The following ATF2 variants were observed in gnomAD, a reference collection of about 807,000 sequenced individuals.
ATF2 encodes activating transcription factor 2, also known as cyclic AMP-dependent transcription factor ATF-2.
Under a neutral mutation model 60.6 loss-of-function variants are expected in ATF2, and 24 were observed. The observed-to-expected ratio is 0.40, with a 90% CI of 0.29 to 0.56. The LOEUF is 0.56. Ranked by LOEUF, ATF2 falls within the 20% of genes least tolerant of loss-of-function variation. ATF2 has a pLI of 0.54. For missense variants in ATF2, 433 were observed against 607.7 expected (o/e 0.71, Z 3.02); for synonymous variants, 206 against 215.4 (o/e 0.96, Z 0.38).
chr2:175,126,098 T>A (rs777977223), intron 4 of ATF2, among the ~76,000 whole-genome samples: 28 of 152,200 alleles, frequency 1.8e-4, no homozygotes, highest in Non-Finnish European at 3.1e-4. Flanking sequence ...TTACTGCCCC[T>A]TCATTGAAAG....
At chr2:175,125,795 A>C (rs1461807575) in intron 4 of ATF2, among the ~76,000 whole-genome samples, 2 of 152,268 alleles carry the variant, frequency 1.3e-5, no homozygotes, top group Admixed American at 6.5e-5. Context: ...AACAGAATAC[A>C]AAACTGTGCA....
intron 5 of ATF2, 29 bp from the exon 6 acceptor site, chr2:175,118,398 C>A (rs1262833909): frequency 1.3e-6 from 2 of 1,553,582 alleles, no homozygotes; most frequent in African/African-American, 1.4e-5. Context: ...AGTAATCATG[C>A]ATATTTAAAT....
chr2:175,166,483 T>C (rs1478884672), intron 1 of ATF2, among the ~76,000 whole-genome samples: 1 of 152,212 alleles, frequency 6.6e-6, no homozygotes, highest in Non-Finnish European at 1.5e-5. Context: ...TCTGTATATT[T>C]AAAACGTATT....
intron 7 of ATF2, among the ~76,000 whole-genome samples, chr2:175,115,975 CAT>C (rs1696532397): frequency 6.6e-6 from 1 of 151,920 alleles, no homozygotes; most frequent in South Asian, 2.1e-4. Flanking sequence ...GAAGCAATAC[CAT>C]ATATGTCATG....
intron 5 of ATF2, among the ~76,000 whole-genome samples, chr2:175,121,132 C>T (rs1259754994): frequency 6.6e-6 from 1 of 151,738 alleles, no homozygotes; most frequent in African/African-American, 2.4e-5. Context: ...AAAAGAAATG[C>T]TGACTAAATA....
At chr2:175,082,939 G>A (rs1693864623) in intron 12 of ATF2, among the ~76,000 whole-genome samples, 1 of 151,828 alleles carries the variant, frequency 6.6e-6, no homozygotes, top group Non-Finnish European at 1.5e-5. Context: ...CAACTTACAA[G>A]GGACGTGAAG....
intron 2 of ATF2, among the ~76,000 whole-genome samples, chr2:175,142,191 T>C (rs575640878): frequency 4.6e-5 from 7 of 150,770 alleles, no homozygotes; most frequent in South Asian, 2.1e-4. Context: ...CTTTTCTTTT[T>C]TTTTTTTTTT....
At position 175,088,284 on chromosome 2, in the gene ATF2, T is replaced by G. The variant is rs537412308; in HGVS notation, c.1185+4777A>C. 3.9e-4 allele frequency among the ~76,000 whole-genome samples: 59 copies of G among 152,270 alleles called. 1 individual carries two copies. In the South Asian group the frequency reaches 0.012, roughly 32 times the overall value. ...TCAGTGGAAAAACGTGGAAGATAGATCATAGAATTCAGAAATTAAATCAAA... is the reference window on the plus strand; with the variant it reads ...TCAGTGGAAAAACGTGGAAGATAGAGCATAGAATTCAGAAATTAAATCAAA... On this transcript the variant is annotated intron_variant, in intron 12 of 13. Transcript: ENST00000264110.
Position 175,093,186 on chromosome 2 carries a change from T to C in ATF2, c.1060A>G (p.Lys354Glu). The C allele has an allele frequency of 6.2e-7, 1 of 1,614,202 alleles. No individual in the cohort carries two copies. Among genetic ancestry groups the C allele is most frequent in the Non-Finnish European group, 8.5e-7 (1 of 1,180,024 alleles). The change falls in exon 12 of 14, where the codon AAA becomes GAA. Residue 354 changes from lysine to glutamate, a missense_variant. By Grantham distance (56) the Lys-to-Glu change is moderately conservative. Transcript: ENST00000264110. ...TTTCGCTCTAAAAACTTTCTCCTTT[T>C]TTCATCAGGATCTTCGTTAGCTGCT... ...RRAANEDPDE[K>E]RRKFLERNRA...
chr2:175,146,577 T>A (rs1009742034), intron 2 of ATF2, among the ~76,000 whole-genome samples: 6 of 152,126 alleles, frequency 3.9e-5, no homozygotes, highest in Admixed American at 3.9e-4. Context: ...TCCACTTATC[T>A]GCAGCTTCAC....
At chr2:175,160,956 C>T (rs574948972) in intron 1 of ATF2, among the ~76,000 whole-genome samples, 37 of 152,138 alleles carry the variant, frequency 2.4e-4, no homozygotes, top group African/African-American at 5.1e-4. Context: ...GAAGATCTCT[C>T]GAGCCCCAGA....
At chr2:175,136,522 G>T (rs902694709) in intron 2 of ATF2, 36 bp from the exon 3 acceptor site, 3 of 1,280,720 alleles carry the variant, frequency 2.3e-6, no homozygotes, top group African/African-American at 3.0e-5. Flanking sequence ...GTTAAAAATA[G>T]TTCTGAAACA....
Position 175,114,053 on chromosome 2 carries a change from G to A in ATF2, c.682C>T (p.Pro228Ser), listed in dbSNP as rs770962595. 2 of 1,613,104 alleles carry A rather than the reference G, an allele frequency of 1.2e-6. No individual in the cohort carries two copies. Among genetic ancestry groups the A allele is most frequent in the African/African-American group, 2.7e-5 (2 of 74,824 alleles). ...GTAATTGATGCAGGAATAGCAACAG[G>A]CATGGTTTGTCCATTAGGAAGATGT... ...LLHLPNGQTM[P>S]VAIPASITSS... is the part of the protein sequence containing the mutation. The change falls in exon 9 of 14, where the codon CCT (proline) becomes TCT (serine). Residue 228 changes from proline (P) to serine (S), a missense_variant. By Grantham distance (74) the Pro-to-Ser change is moderately conservative. This residue lies in a region of ATF2 where 246 missense variants were observed against 309.3 expected (regional missense o/e 0.80). Transcript: ENST00000264110.
chr2:175,125,323 C>A lies in ATF2; in HGVS notation c.103-3783G>T, dbSNP rs117777582. Reference sequence around the variant, plus strand: ...CAGACCATACCATTTCTGTTCTCAGCAAGATTTAACAAATGGATGAGTAGC... The same window carrying A: ...CAGACCATACCATTTCTGTTCTCAGAAAGATTTAACAAATGGATGAGTAGC... On this transcript the variant is annotated intron_variant, in intron 4 of 13. Transcript: ENST00000264110. 3.0e-4 allele frequency among the ~76,000 whole-genome samples: 45 copies of A among 152,070 alleles called. 1 individual carries two copies. Among genetic ancestry groups the A allele is most frequent in the East Asian group, 2.7e-3 (14 of 5,184 alleles).
chr2:175,077,511 A>T (rs1693421096), intron 13 of ATF2, among the ~76,000 whole-genome samples: 1 of 152,184 alleles, frequency 6.6e-6, no homozygotes, highest in Non-Finnish European at 1.5e-5. Flanking sequence ...ACTATTCTTT[A>T]AAAGAACAAC....
intron 1 of ATF2, 96 bp downstream of exon 1, chr2:175,167,954 T>TG (rs1416910703): frequency 1.1e-5 from 4 of 351,334 alleles, no homozygotes; most frequent in Non-Finnish European, 5.7e-6. Context: ...AAACGGGGGG[T>TG]GGGGACTGTG....
rs372263867 is a variant in ATF2, at chr2:175,108,985, A to G, written c.828+2583T>C. Among the ~76,000 whole-genome samples the G allele has an allele frequency of 1.3e-3, 196 of 152,158 alleles. 2 individuals are homozygous for G. Among genetic ancestry groups the G allele is most frequent in the South Asian group, 0.011 (52 of 4,820 alleles). On this transcript the variant is annotated intron_variant, in intron 10 of 13. Transcript: ENST00000264110. ...ATGCATGAAGGCAGCATGCTCGTTA[A>G]GAGTCATCACCACTCCCTAATCTCA... is the stretch of plus-strand genomic sequence containing the variant.
intron 2 of ATF2, among the ~76,000 whole-genome samples, chr2:175,140,686 T>G (rs1366633729): frequency 2.2e-5 from 3 of 136,836 alleles, no homozygotes; most frequent in African/African-American, 3.1e-5. Context: ...CCTTGAACTG[T>G]TTGAAAAATA....
intron 1 of ATF2, among the ~76,000 whole-genome samples, chr2:175,162,415 G>A (rs1700087005): frequency 6.6e-6 from 1 of 152,310 alleles, no homozygotes; most frequent in Non-Finnish European, 1.5e-5. Context: ...TGCTGACAGT[G>A]TAAACTCGCT....
Sources: gnomAD v4.1 joint callset for allele counts (sites outside exome capture counted in the v4.1 genomes callset) on GRCh38, gnomAD v4.1.1 for gene constraint, gnomAD v4.1.1 regional missense constraint, MANE v1.5 for transcripts, NCBI Gene and HGNC (gene_info 2026-07-23, HGNC 2026-07-21) for gene names.